KLHL3: variants seen among roughly 807,000 people sequenced by gnomAD.
KLHL3 encodes the protein kelch like family member 3, also known as kelch-like protein 3.
KLHL3 carries 19 observed loss-of-function variants against 70.5 expected under a neutral mutation model. The observed-to-expected ratio is 0.27, with a 90% CI of 0.19 to 0.40. KLHL3 has a LOEUF of 0.40. Among genes scored for constraint, KLHL3 ranks in the 10% least tolerant of loss-of-function variants. The pLI, the probability that KLHL3 is intolerant of heterozygous loss-of-function variation, is 1.00. For synonymous variants in KLHL3, 258 were observed against 290.3 expected (o/e 0.89, Z 1.13); for missense variants, 512 against 771.1 (o/e 0.66, Z 3.98).
chr5:137,715,313 A>G (rs1752872441), intron 2 of KLHL3, among the ~76,000 whole-genome samples: 1 of 152,216 alleles, frequency 6.6e-6, no homozygotes, highest in African/African-American at 2.4e-5. Flanking sequence ...GGAATGTGAA[A>G]GCAATGCAAG....
intron 3 of KLHL3, among the ~76,000 whole-genome samples, chr5:137,704,301 T>C (rs577629246): frequency 1.8e-3 from 274 of 151,402 alleles, no homozygotes; most frequent in African/African-American, 2.9e-3. Context: ...AGGAGAATGG[T>C]GTGAACCCGG....
At chr5:137,686,126 T>C (rs1219343266) in intron 5 of KLHL3, among the ~76,000 whole-genome samples, 1 of 151,312 alleles carries the variant, frequency 6.6e-6, no homozygotes, top group Non-Finnish European at 1.5e-5. Context: ...CTGGGAAGAG[T>C]AGGGGAGGCT....
chr5:137,685,638 T>G (rs1752143776), intron 5 of KLHL3, among the ~76,000 whole-genome samples: 3 of 152,328 alleles, frequency 2.0e-5, no homozygotes, highest in South Asian at 4.1e-4. Context: ...GGTCTAGAAA[T>G]GTATCTGCTA....
At chr5:137,632,105 C>A (rs907637583) in intron 12 of KLHL3, among the ~76,000 whole-genome samples, 1 of 152,162 alleles carries the variant, frequency 6.6e-6, no homozygotes, top group Non-Finnish European at 1.5e-5. Flanking sequence ...AGATTCAACA[C>A]AATTCCTATC....
chr5:137,731,283 G>T (rs1473595756), intron 1 of KLHL3, among the ~76,000 whole-genome samples: 1 of 152,182 alleles, frequency 6.6e-6, no homozygotes, highest in Non-Finnish European at 1.5e-5. Flanking sequence ...AATTATCATG[G>T]TTGAAATGCG....
chr5:137,732,955 TC>T (rs1175282110), intron 1 of KLHL3, among the ~76,000 whole-genome samples: 1 of 152,194 alleles, frequency 6.6e-6, no homozygotes, highest in African/African-American at 2.4e-5. Context: ...TACTCCAAAG[TC>T]CATGCTTTTA....
intron 8 of KLHL3, among the ~76,000 whole-genome samples, chr5:137,644,498 T>A (rs1750994413): frequency 6.6e-6 from 1 of 152,358 alleles, no homozygotes; most frequent in Non-Finnish European, 1.5e-5. Flanking sequence ...CAGATATCTC[T>A]TCAACATGCT....
chr5:137,728,774 T>TG (rs1345523717), intron 1 of KLHL3, among the ~76,000 whole-genome samples: 2 of 151,676 alleles, frequency 1.3e-5, no homozygotes, highest in Non-Finnish European at 2.9e-5. Flanking sequence ...GAGCTCCAAG[T>TG]GATGAGAACT....
At chr5:137,642,937 T>C (rs1388184782) in intron 8 of KLHL3, among the ~76,000 whole-genome samples, 4 of 151,654 alleles carry the variant, frequency 2.6e-5, no homozygotes, top group Non-Finnish European at 5.9e-5. Context: ...ACCAGGGAAG[T>C]AGAGGGTACA....
intron 5 of KLHL3, among the ~76,000 whole-genome samples, chr5:137,691,936 G>C (rs1456209280): frequency 6.6e-6 from 1 of 152,138 alleles, no homozygotes; most frequent in Non-Finnish European, 1.5e-5. Flanking sequence ...ACTTTTAAAA[G>C]AATGTTTATG....
chr5:137,625,487 AAT>A (rs530492596), intron 14 of KLHL3, among the ~76,000 whole-genome samples: 168 of 152,344 alleles, frequency 1.1e-3, no homozygotes, highest in African/African-American at 3.9e-3. Flanking sequence ...GGTTCGATGG[AAT>A]GAATGTTATA....
intron 3 of KLHL3, among the ~76,000 whole-genome samples, chr5:137,702,177 A>G (rs995887868): frequency 4.6e-5 from 7 of 152,220 alleles, no homozygotes; most frequent in Non-Finnish European, 1.0e-4. Flanking sequence ...AATGTTAGAA[A>G]AGGGGATGTA....
chr5:137,721,661 A>G (rs1204392294), intron 1 of KLHL3, among the ~76,000 whole-genome samples: 1 of 152,170 alleles, frequency 6.6e-6, no homozygotes, highest in African/African-American at 2.4e-5. Flanking sequence ...ATCAAGAGAC[A>G]AGGGTATGGT....
At chr5:137,684,850 G>T (rs983282664) in intron 5 of KLHL3, among the ~76,000 whole-genome samples, 6 of 152,224 alleles carry the variant, frequency 3.9e-5, no homozygotes, top group African/African-American at 1.4e-4. Context: ...TGAGCAGTCA[G>T]CTTCTAAATG....
At chr5:137,735,436 T>TCAAGCC (rs1400371557) in intron 1 of KLHL3, among the ~76,000 whole-genome samples, 197 bp downstream of exon 1, 22 of 152,320 alleles carry the variant, frequency 1.4e-4, no homozygotes, top group African/African-American at 4.8e-4. Flanking sequence ...AAGCCAGATC[T>TCAAGCC]CTGGAGATTC....
Position 137,633,278 on chromosome 5 carries a change from CAAAAAAAA to C in KLHL3, c.1450+751_1450+758del, listed in dbSNP as rs56084512. 3.1e-4 allele frequency among the ~76,000 whole-genome samples: 22 copies of C among 72,018 alleles called. No individual in the cohort carries two copies. In the Admixed American group the frequency reaches 3.5e-3, roughly 11 times the overall value. The allele number at this position is 72,018 out of a possible 152,430, so 47.2% of individuals were successfully genotyped here. Reference sequence around the variant, plus strand: ...TGGGCAACAGAGTGAGACTTCATCTCAAAAAAAAAAAAAAAAAAAAAAAAGTTTAAAAA... The same window carrying C: ...TGGGCAACAGAGTGAGACTTCATCTCAAAAAAAAAAAAAAAAGTTTAAAAA... On this transcript the variant is annotated intron_variant, in intron 12 of 14. Transcript: ENST00000309755.
intron 10 of KLHL3, among the ~76,000 whole-genome samples, chr5:137,638,750 T>C (rs956908443): frequency 2.0e-5 from 3 of 152,206 alleles, no homozygotes; most frequent in Non-Finnish European, 2.9e-5. Flanking sequence ...CTAGAAAGCC[T>C]AGTACATGGG....
intron 5 of KLHL3, among the ~76,000 whole-genome samples, chr5:137,691,144 G>C (rs1184642781): frequency 6.6e-6 from 1 of 152,166 alleles, no homozygotes; most frequent in African/African-American, 2.4e-5. Flanking sequence ...AAAAATAAGT[G>C]AACCAACAGA....
intron 3 of KLHL3, among the ~76,000 whole-genome samples, chr5:137,701,428 C>A (rs988498848): frequency 6.6e-6 from 1 of 152,050 alleles, no homozygotes; most frequent in African/African-American, 2.4e-5. Context: ...AACTCTAGAC[C>A]CTGTGTCATT....
Sources: allele counts gnomAD v4.1 joint callset (sites outside exome capture counted in the v4.1 genomes callset), GRCh38; gene constraint gnomAD v4.1.1; transcripts MANE v1.5; gene names NCBI Gene and HGNC (gene_info 2026-07-23, HGNC 2026-07-21).